Variants in BTAF1 observed in about 807,000 individuals in gnomAD.
BTAF1 encodes the protein TATA-binding protein-associated factor 172.
A neutral mutation model predicts 227.1 loss-of-function variants in BTAF1; 38 were observed. That is an observed-to-expected ratio of 0.17 (90% CI 0.13 to 0.22). The LOEUF is 0.22. BTAF1 is among the 10% of genes least tolerant of loss of function. The pLI is 1.00. For missense variants in BTAF1, 1,598 were observed against 2,204.0 expected (o/e 0.73, Z 5.51); for synonymous variants, 742 against 751.9 (o/e 0.99, Z 0.21).
chr10:92,026,723 C>G lies in BTAF1; in HGVS notation c.5207C>G (p.Ala1736Gly). Residue 1736 changes from alanine to glycine, a missense_variant, in exon 36 of 38, where the codon GCC becomes GGC. Ala to Gly is a moderately conservative substitution (Grantham distance 60). This residue lies in a region of BTAF1 where 20 missense variants were observed against 56.8 expected (regional missense o/e 0.35). Coordinates refer to ENST00000265990, the MANE Select transcript of BTAF1 (RefSeq NM_003972.3). ...HDWNPMRDLQ[A>G]MDRAHRIGQK... Reference sequence around the variant, plus strand: ...TGGAATCCTATGCGAGATCTACAAGCCATGGACCGGGCCCATCGCATTGGG... The same window carrying G: ...TGGAATCCTATGCGAGATCTACAAGGCATGGACCGGGCCCATCGCATTGGG... 6.2e-7 allele frequency: 1 copy of G among 1,613,868 alleles called. No individual in the cohort carries two copies. Among genetic ancestry groups the G allele is most frequent in the Non-Finnish European group, 8.5e-7 (1 of 1,179,912 alleles).
chr10:91,989,213 A>G lies in BTAF1; in HGVS notation c.2487A>G (p.Gln829=). The change falls in exon 20 of 38, where the codon CAA becomes CAG. Residue 829 remains glutamine (Q), a synonymous_variant. Coordinates refer to ENST00000265990, the MANE Select transcript of BTAF1 (RefSeq NM_003972.3). ...SSFDLNPQVL[Q]QLDSKRQQVQ... ...TCGATTTAAATCCTCAAGTGTTACA[A>G]CAGTTAGATAGTAAACGACAGCAGG... 6.2e-7 allele frequency: 1 copy of G among 1,614,150 alleles called. No individual in the cohort carries two copies.
intron 25 of BTAF1, among the ~76,000 whole-genome samples, chr10:92,003,062 A>G (rs1459773413): frequency 6.6e-6 from 1 of 151,692 alleles, no homozygotes; most frequent in Non-Finnish European, 1.5e-5. Context: ...GAGGCTAGGC[A>G]GGAGAATCGC....
intron 14 of BTAF1, among the ~76,000 whole-genome samples, chr10:91,974,146 C>T (rs564618689): frequency 6.6e-6 from 1 of 152,260 alleles, no homozygotes; most frequent in African/African-American, 2.4e-5. Context: ...CAAGCTATAC[C>T]TCAATAATTC....
At chr10:91,978,905 T>G (rs747251256) in intron 14 of BTAF1, among the ~76,000 whole-genome samples, 1 of 149,600 alleles carries the variant, frequency 6.7e-6, no homozygotes, top group Admixed American at 6.8e-5. Context: ...TCACGGGGGT[T>G]TGTTGTAAGA....
chr10:91,981,912 A>G (rs1054851732), intron 16 of BTAF1, 120 bp downstream of exon 16: 9 of 1,370,746 alleles, frequency 6.6e-6, no homozygotes, highest in African/African-American at 2.9e-5. Context: ...GTAAGGAGAA[A>G]CCGTTATTTT....
chr10:92,026,241 C>T (rs951175337), intron 35 of BTAF1, among the ~76,000 whole-genome samples: 1 of 152,136 alleles, frequency 6.6e-6, no homozygotes, highest in Non-Finnish European at 1.5e-5. Context: ...GAAAGTCTAG[C>T]CTGTTCTCAC....
intron 14 of BTAF1, among the ~76,000 whole-genome samples, chr10:91,977,505 G>A (rs1205788831): frequency 6.6e-6 from 1 of 152,128 alleles, no homozygotes; most frequent in East Asian, 1.9e-4. Flanking sequence ...CATCTTGCCT[G>A]CTTCCAAGTT....
chr10:91,975,761 TAAAAG>T (rs1847633877), intron 14 of BTAF1, among the ~76,000 whole-genome samples: 1 of 152,154 alleles, frequency 6.6e-6, no homozygotes, highest in Non-Finnish European at 1.5e-5. Flanking sequence ...TGTGGGAAGA[TAAAAG>T]AGGGACCGTA....
intron 14 of BTAF1, among the ~76,000 whole-genome samples, chr10:91,970,590 C>A (rs928998295): frequency 1.4e-4 from 21 of 152,168 alleles, no homozygotes; most frequent in African/African-American, 5.1e-4. Flanking sequence ...AGACCCACTC[C>A]GTGATTCACT....
At chr10:92,005,141 A>G (rs1044111531) in intron 25 of BTAF1, among the ~76,000 whole-genome samples, 1 of 152,228 alleles carries the variant, frequency 6.6e-6, no homozygotes, top group Admixed American at 6.5e-5. Flanking sequence ...ATACCTTTGT[A>G]GTATATTTTG....
chr10:91,953,094 A>G (rs980049644), intron 5 of BTAF1, among the ~76,000 whole-genome samples: 7 of 152,214 alleles, frequency 4.6e-5, no homozygotes, highest in Non-Finnish European at 8.8e-5. Context: ...TTCTTGATCA[A>G]GACTGCAGCA....
At chr10:91,973,837 G>C (rs1847491466) in intron 14 of BTAF1, among the ~76,000 whole-genome samples, 1 of 146,072 alleles carries the variant, frequency 6.8e-6, no homozygotes, top group Non-Finnish European at 1.5e-5. Flanking sequence ...CCGGGAGGCG[G>C]AGCTTGCAGT....
At chr10:91,937,012 C>G (rs1042938103) in intron 2 of BTAF1, among the ~76,000 whole-genome samples, 3 of 143,134 alleles carry the variant, frequency 2.1e-5, no homozygotes, top group East Asian at 4.0e-4. Context: ...GTTTTGTTTT[C>G]TTTTTTTTTT....
intron 4 of BTAF1, 36 bp downstream of exon 4, chr10:91,942,604 G>A (rs776674153): frequency 6.2e-7 from 1 of 1,606,046 alleles, no homozygotes; most frequent in South Asian, 1.1e-5. Context: ...TCTAAAATTT[G>A]TTTTTTCAGA....
chr10:92,015,656 G>A (rs1413562800), intron 32 of BTAF1, among the ~76,000 whole-genome samples: 3 of 152,212 alleles, frequency 2.0e-5, no homozygotes, highest in Non-Finnish European at 4.4e-5. Flanking sequence ...TTGTGGTGCT[G>A]TAACATAGGC....
intron 34 of BTAF1, among the ~76,000 whole-genome samples, chr10:92,022,836 A>G (rs879903100): frequency 7.2e-5 from 11 of 152,218 alleles, no homozygotes; most frequent in Non-Finnish European, 1.3e-4. Context: ...GGCAAGATGT[A>G]GGGGTAATTA....
At chr10:91,980,959 G>A (rs555294416) in intron 15 of BTAF1, among the ~76,000 whole-genome samples, 2 of 152,172 alleles carry the variant, frequency 1.3e-5, no homozygotes, top group Middle Eastern at 3.4e-3. Context: ...TCCCTACTTA[G>A]AGTGATCATA....
chr10:91,959,734 GTGTGTGTATATATA>G (rs982463291), intron 9 of BTAF1, 37 bp from the exon 10 acceptor site: 7 of 430,364 alleles, frequency 1.6e-5, no homozygotes, highest in South Asian at 7.4e-5. Flanking sequence ...GTGTGTGTGT[GTGTGTGTATATATA>G]TATATATATA....
intron 5 of BTAF1, among the ~76,000 whole-genome samples, chr10:91,952,532 C>T (rs1564668200): frequency 6.6e-6 from 1 of 152,226 alleles, no homozygotes. Context: ...ACAATTCCTG[C>T]TTTGCAATTA....
Sources: gnomAD v4.1 joint callset for allele counts (sites outside exome capture counted in the v4.1 genomes callset) on GRCh38, gnomAD v4.1.1 for gene constraint, gnomAD v4.1.1 regional missense constraint, MANE v1.5 for transcripts, NCBI Gene and HGNC (gene_info 2026-07-23, HGNC 2026-07-21) for gene names.